Variants in KCNMA1 observed in about 807,000 individuals in gnomAD.
The protein encoded by KCNMA1 is Calcium-activated potassium channel subunit alpha-1.
In KCNMA1, 29 loss-of-function variants were observed where a neutral mutation model predicts 140.0. The observed-to-expected ratio is 0.21, with a 90% CI of 0.15 to 0.28. The LOEUF is 0.28. Ranked by LOEUF, KCNMA1 falls within the 10% of genes least tolerant of loss-of-function variation. The pLI, the probability that KCNMA1 is intolerant of heterozygous loss-of-function variation, is 1.00. For synonymous variants in KCNMA1, 612 were observed against 611.9 expected (o/e 1.00, Z 0.00); for missense variants, 880 against 1,602.2 (o/e 0.55, Z 7.70).
At chr10:77,436,010 T>C (rs7071575) in intron 1 of KCNMA1, among the ~76,000 whole-genome samples, 19,298 of 152,244 alleles carry the variant, frequency 0.13, 1,282 homozygotes, top group Middle Eastern at 0.19. Context: ...TCCACCACTT[T>C]GTGAAGTTCA....
chr10:77,221,674 C>T (rs760026693), intron 3 of KCNMA1, among the ~76,000 whole-genome samples: 21 of 152,140 alleles, frequency 1.4e-4, no homozygotes, highest in Admixed American at 4.6e-4. Flanking sequence ...GCTATATACC[C>T]GCAAAAATTA....
At chr10:76,878,717 G>T (rs2033212170) in intron 29 of KCNMA1, among the ~76,000 whole-genome samples, 1 of 152,132 alleles carries the variant, frequency 6.6e-6, no homozygotes, top group South Asian at 2.1e-4. Context: ...AGAGAATGCT[G>T]AGTCAGGGCG....
intron 16 of KCNMA1, among the ~76,000 whole-genome samples, chr10:77,027,591 G>A (rs2153525894): frequency 6.6e-6 from 1 of 152,304 alleles, no homozygotes; most frequent in East Asian, 1.9e-4. Context: ...CTCTTCCCTG[G>A]AGAAACACTC....
intron 4 of KCNMA1, 85 bp downstream of exon 4, chr10:77,184,738 C>T (rs571143193): frequency 1.4e-5 from 12 of 883,190 alleles, no homozygotes; most frequent in East Asian, 7.3e-5. Context: ...ATCTTGACTG[C>T]GAGAGCAGAG....
chr10:77,140,120 C>T (rs917199955), intron 5 of KCNMA1, among the ~76,000 whole-genome samples: 2 of 152,202 alleles, frequency 1.3e-5, no homozygotes, highest in Non-Finnish European at 2.9e-5. Context: ...CCTCACCCAG[C>T]ACATCTGCGT....
At chr10:76,969,292 A>G (rs369592378) in intron 20 of KCNMA1, among the ~76,000 whole-genome samples, 1 of 123,080 alleles carries the variant, frequency 8.1e-6, no homozygotes, top group East Asian at 2.5e-4. Flanking sequence ...AAGGGAAGGA[A>G]GGAAGGAGGG....
chr10:77,483,442 G>C (rs940446648), intron 1 of KCNMA1, among the ~76,000 whole-genome samples: 18 of 152,224 alleles, frequency 1.2e-4, no homozygotes, highest in African/African-American at 4.3e-4. Flanking sequence ...GCTCATCGGG[G>C]CAGGTGACGA....
intron 25 of KCNMA1, among the ~76,000 whole-genome samples, chr10:76,898,773 G>A (rs1216548581): frequency 1.3e-5 from 2 of 151,710 alleles, no homozygotes; most frequent in Admixed American, 6.6e-5. Flanking sequence ...CAATGCTATA[G>A]AGACAAATTC....
At chr10:77,615,895 G>C (rs2089274986) in intron 1 of KCNMA1, among the ~76,000 whole-genome samples, 1 of 152,144 alleles carries the variant, frequency 6.6e-6, no homozygotes, top group Non-Finnish European at 1.5e-5. Flanking sequence ...CTAAAATAAA[G>C]GCCAACTTCA....
At chr10:77,556,047 A>G (rs2064241637) in intron 1 of KCNMA1, among the ~76,000 whole-genome samples, 1 of 152,216 alleles carries the variant, frequency 6.6e-6, no homozygotes, top group Non-Finnish European at 1.5e-5. Flanking sequence ...CAGCTGACAT[A>G]TGGTGTGGAC....
intron 19 of KCNMA1, chr10:76,977,650 GC>G: frequency 1.4e-6 from 1 of 702,854 alleles, no homozygotes; most frequent in South Asian, 1.5e-5. Flanking sequence ...TGCCAAGACA[GC>G]CAAATAACAA....
At chr10:77,023,017 T>C (rs1220945146) in intron 16 of KCNMA1, 4 of 446,494 alleles carry the variant, frequency 9.0e-6, no homozygotes, top group Admixed American at 2.4e-5. Context: ...ATAAAACACA[T>C]CTACGTGCAA....
rs1427569837 is a variant in KCNMA1 at position 76,889,575 on chromosome 10, A to G, written c.3343-6T>C. The stretch of plus-strand genomic sequence containing the variant: ...TCACCATAACAACCACCATCCTGGG[A>G]GACAGCAAAAGAACAGAGAGAAACA... On this transcript the variant is annotated splice_polypyrimidine_tract_variant and splice_region_variant and intron_variant, in intron 26 of 27. Coordinates refer to ENST00000286628, the MANE Select transcript of KCNMA1 (RefSeq NM_001161352.2). 6.3e-7 allele frequency: 1 copy of G among 1,581,054 alleles called. No homozygotes were observed.
chr10:77,296,920 C>T (rs549128561), intron 2 of KCNMA1, among the ~76,000 whole-genome samples: 23 of 105,994 alleles, frequency 2.2e-4, no homozygotes, highest in Admixed American at 5.1e-4. Flanking sequence ...GGCGGGGGGG[C>T]GGTGGGGGAA....
intron 9 of KCNMA1, among the ~76,000 whole-genome samples, chr10:77,102,332 G>A (rs2097119097): frequency 6.6e-6 from 1 of 152,188 alleles, no homozygotes; most frequent in African/African-American, 2.4e-5. Flanking sequence ...GGAGGAAATG[G>A]AGTGGAATTC....
At chr10:77,240,708 T>C (rs2057049754) in intron 3 of KCNMA1, among the ~76,000 whole-genome samples, 1 of 152,256 alleles carries the variant, frequency 6.6e-6, no homozygotes, top group Non-Finnish European at 1.5e-5. Context: ...CACTAGAGCC[T>C]GCATTTCTGC....
At chr10:77,046,240 C>T (rs2095046680) in intron 14 of KCNMA1, among the ~76,000 whole-genome samples, 1 of 152,144 alleles carries the variant, frequency 6.6e-6, no homozygotes, top group Admixed American at 6.6e-5. Context: ...GAATTAGAGA[C>T]ATTTGAATGA....
chr10:77,382,052 C>G (rs932802736), intron 2 of KCNMA1, among the ~76,000 whole-genome samples: 2 of 152,120 alleles, frequency 1.3e-5, no homozygotes, highest in Non-Finnish European at 2.9e-5. Context: ...AGGAGGAGGC[C>G]CTTCATCTAG....
intron 1 of KCNMA1, among the ~76,000 whole-genome samples, chr10:77,469,509 C>A (rs560771587): frequency 4.6e-5 from 7 of 152,264 alleles, no homozygotes; most frequent in African/African-American, 1.7e-4. Context: ...CTAGAGCAAG[C>A]TTACTGGGGG....
Sources: gnomAD v4.1 joint callset for allele counts (sites outside exome capture counted in the v4.1 genomes callset) on GRCh38, gnomAD v4.1.1 for gene constraint, MANE v1.5 for transcripts, NCBI Gene and HGNC (gene_info 2026-07-23, HGNC 2026-07-21) for gene names.